Variants in ADGRB3 observed in about 807,000 individuals in gnomAD.
ADGRB3 encodes the protein adhesion G protein-coupled receptor B3.
ADGRB3 carries 37 observed loss-of-function variants against 193.4 expected under a neutral mutation model. That is an observed-to-expected ratio of 0.19 (90% CI 0.15 to 0.25). The LOEUF is 0.25. ADGRB3 is among the 10% of genes least tolerant of loss of function. ADGRB3 has a pLI of 1.00. For synonymous variants in ADGRB3, 690 were observed against 644.2 expected, an observed-to-expected ratio of 1.07 and a Z score of -1.08; for missense variants, 1,637 against 1,852.9, an observed-to-expected ratio of 0.88 and a Z score of 2.14.
chr6:69,092,230 T>G (rs1298050565), intron 17 of ADGRB3, among the ~76,000 whole-genome samples: 2 of 152,216 alleles, frequency 1.3e-5, no homozygotes, highest in East Asian at 3.8e-4. Flanking sequence ...TTTACCCTTC[T>G]TCAAGGTCAA....
At chr6:68,645,589 T>C (rs1768190427) in intron 3 of ADGRB3, among the ~76,000 whole-genome samples, 1 of 152,152 alleles carries the variant, frequency 6.6e-6, no homozygotes, top group Non-Finnish European at 1.5e-5. Flanking sequence ...CTGAGAATAA[T>C]ACCTACTGCA....
At chr6:68,719,161 A>G (rs778993058) in intron 3 of ADGRB3, among the ~76,000 whole-genome samples, 2 of 151,510 alleles carry the variant, frequency 1.3e-5, no homozygotes, top group Non-Finnish European at 3.0e-5. Flanking sequence ...GTAAATATAA[A>G]CTCTTTTTCT....
chr6:69,333,619 T>C (rs913028537), intron 24 of ADGRB3, among the ~76,000 whole-genome samples: 1 of 151,604 alleles, frequency 6.6e-6, no homozygotes, highest in Non-Finnish European at 1.5e-5. Flanking sequence ...TTACTGTTAT[T>C]ATAATATATA....
rs538583832 is a variant in ADGRB3 at position 68,734,831 on chromosome 6, G to A, written c.757+95399G>A. On this transcript the variant is annotated intron_variant, in intron 3 of 31. Coordinates refer to ENST00000370598, the MANE Select transcript of ADGRB3 (RefSeq NM_001704.3). ...AAGGAATGTGGTGTCATTCAGATGT[G>A]ACAATTAAACTGATTTAATGAAAAG... Among the ~76,000 whole-genome samples the A allele has an allele frequency of 1.3e-4, 20 of 152,132 alleles. 1 individual carries two copies. The highest frequency in any genetic ancestry group is 4.8e-4 in the African/African-American group (20 of 41,548).
chr6:69,071,698 C>T (rs1167564372), intron 16 of ADGRB3, among the ~76,000 whole-genome samples: 2 of 152,090 alleles, frequency 1.3e-5, no homozygotes, highest in Admixed American at 6.5e-5. Flanking sequence ...TGCAGTATTA[C>T]CATTTTGTAT....
chr6:68,708,606 A>G (rs1765362803), intron 3 of ADGRB3, among the ~76,000 whole-genome samples: 1 of 152,204 alleles, frequency 6.6e-6, no homozygotes, highest in Non-Finnish European at 1.5e-5. Flanking sequence ...ACAAAACCGA[A>G]GACGTCCAAT....
At chr6:69,084,532 T>A (rs1489543929) in intron 17 of ADGRB3, among the ~76,000 whole-genome samples, 1 of 152,144 alleles carries the variant, frequency 6.6e-6, no homozygotes, top group Non-Finnish European at 1.5e-5. Flanking sequence ...ATTTAGCATA[T>A]GAATAATGAT....
chr6:69,045,681 A>G (rs1771214539), intron 13 of ADGRB3, among the ~76,000 whole-genome samples: 1 of 152,128 alleles, frequency 6.6e-6, no homozygotes. Context: ...ACCTTAAGAA[A>G]CAGACATATT....
chr6:69,307,011 ACTCTCCC>A (rs1391853116), intron 20 of ADGRB3, among the ~76,000 whole-genome samples: 1 of 149,076 alleles, frequency 6.7e-6, no homozygotes, highest in Non-Finnish European at 1.5e-5. Flanking sequence ...CTACACCCTT[ACTCTCCC>A]CTCTCTGTGT....
chr6:68,777,456 G>C (rs1239870851), intron 3 of ADGRB3, among the ~76,000 whole-genome samples: 1 of 151,982 alleles, frequency 6.6e-6, no homozygotes, highest in Admixed American at 6.6e-5. Context: ...AGATAAATTT[G>C]TATTAGAGAG....
intron 3 of ADGRB3, among the ~76,000 whole-genome samples, chr6:68,873,947 AT>A (rs1765524117): frequency 6.6e-6 from 1 of 152,092 alleles, no homozygotes; most frequent in Non-Finnish European, 1.5e-5. Context: ...AACTCAGAAA[AT>A]CCTAAATATT....
chr6:68,689,615 CAT>C (rs2127301215), intron 3 of ADGRB3, among the ~76,000 whole-genome samples: 1 of 151,884 alleles, frequency 6.6e-6, no homozygotes, highest in South Asian at 2.1e-4. Flanking sequence ...GCAAAATTGA[CAT>C]AGATTTTTGG....
At chr6:68,678,869 A>G (rs1269254659) in intron 3 of ADGRB3, among the ~76,000 whole-genome samples, 2 of 152,210 alleles carry the variant, frequency 1.3e-5, no homozygotes, top group Non-Finnish European at 2.9e-5. Flanking sequence ...TAGTAATAAC[A>G]ATATCAGAGA....
intron 8 of ADGRB3, among the ~76,000 whole-genome samples, chr6:68,972,163 G>A (rs1330989320): frequency 6.6e-6 from 1 of 152,202 alleles, no homozygotes; most frequent in Non-Finnish European, 1.5e-5. Flanking sequence ...TATTGAAGGA[G>A]TTAGCCCTAC....
chr6:69,297,227 A>T (rs566277154), intron 20 of ADGRB3, among the ~76,000 whole-genome samples: 128 of 152,178 alleles, frequency 8.4e-4, no homozygotes, highest in African/African-American at 3.0e-3. Context: ...AATAGAGCCA[A>T]TATATATCAG....
At chr6:69,012,062 G>A (rs1283732106) in intron 11 of ADGRB3, among the ~76,000 whole-genome samples, 1 of 151,984 alleles carries the variant, frequency 6.6e-6, no homozygotes, top group Non-Finnish European at 1.5e-5. Flanking sequence ...TTTTTTATGT[G>A]TGCCCTTTGG....
intron 20 of ADGRB3, among the ~76,000 whole-genome samples, chr6:69,278,477 TCCC>T (rs200295132): frequency 6.6e-6 from 1 of 152,090 alleles, no homozygotes; most frequent in Non-Finnish European, 1.5e-5. Context: ...TGTACATTAT[TCCC>T]CCCCATTGTT....
At chr6:68,775,356 T>A (rs1024866514) in intron 3 of ADGRB3, among the ~76,000 whole-genome samples, 1 of 152,038 alleles carries the variant, frequency 6.6e-6, no homozygotes, top group African/African-American at 2.4e-5. Context: ...GGGCCATGTG[T>A]GATCCCCAGG....
At chr6:69,110,747 C>A (rs1773344618) in intron 17 of ADGRB3, among the ~76,000 whole-genome samples, 1 of 152,150 alleles carries the variant, frequency 6.6e-6, no homozygotes, top group Non-Finnish European at 1.5e-5. Flanking sequence ...AATATTTTGG[C>A]TGTTGATGGA....
Sources: allele counts gnomAD v4.1 joint callset (sites outside exome capture counted in the v4.1 genomes callset), GRCh38; gene constraint gnomAD v4.1.1; transcripts MANE v1.5; gene names NCBI Gene and HGNC (gene_info 2026-07-23, HGNC 2026-07-21).